GRM1: variants seen among roughly 807,000 people sequenced by gnomAD.
GRM1 encodes the protein glutamate metabotropic receptor 1.
In GRM1, 33 loss-of-function variants were observed where a neutral mutation model predicts 90.9. The ratio of observed to expected loss-of-function variants is 0.36; its 90% CI spans 0.28 to 0.49. GRM1 has a LOEUF of 0.49. Ranked by LOEUF, GRM1 falls within the 20% of genes least tolerant of loss-of-function variation. The pLI is 0.99. For missense variants in GRM1, 1,190 were observed against 1,534.3 expected (o/e 0.78, Z 3.75); for synonymous variants, 700 against 613.2 (o/e 1.14, Z -2.09).
chr6:146,261,038 G>A (rs915453012), intron 2 of GRM1, among the ~76,000 whole-genome samples: 12 of 151,888 alleles, frequency 7.9e-5, no homozygotes, highest in South Asian at 2.1e-4. Context: ...AACCTGGCTA[G>A]TCATTCATGC....
At chr6:146,204,163 G>A (rs73009053) in intron 2 of GRM1, among the ~76,000 whole-genome samples, 1,820 of 152,282 alleles carry the variant, frequency 0.012, 40 homozygotes, top group Admixed American at 0.053. Context: ...AGGTGGATTA[G>A]CAGGAACTTC....
chr6:146,254,262 G>A (rs1445144063), intron 2 of GRM1, among the ~76,000 whole-genome samples: 1 of 151,884 alleles, frequency 6.6e-6, no homozygotes, highest in Non-Finnish European at 1.5e-5. Context: ...TCCTCTTTAT[G>A]TGACCTGCTT....
chr6:146,404,014 A>G (rs1431327690), intron 7 of GRM1, among the ~76,000 whole-genome samples: 1 of 152,098 alleles, frequency 6.6e-6, no homozygotes, highest in Non-Finnish European at 1.5e-5. Flanking sequence ...AACTATAGTC[A>G]CTATACCCTA....
chr6:146,328,014 C>A (rs966606160), intron 3 of GRM1, among the ~76,000 whole-genome samples: 5 of 152,138 alleles, frequency 3.3e-5, no homozygotes, highest in Non-Finnish European at 7.4e-5. Context: ...TAGCTGCCTG[C>A]TCTGTTTTTT....
intron 1 of GRM1, among the ~76,000 whole-genome samples, chr6:146,112,937 A>G (rs1024753971): frequency 1.3e-5 from 2 of 152,198 alleles, no homozygotes; most frequent in African/African-American, 2.4e-5. Context: ...CACTTTGGAA[A>G]CAATCAATAG....
intron 2 of GRM1, among the ~76,000 whole-genome samples, chr6:146,302,758 A>T (rs1039568801): frequency 6.6e-6 from 1 of 151,966 alleles, no homozygotes; most frequent in African/African-American, 2.4e-5. Flanking sequence ...GGGGCAGAGG[A>T]TAGTGAGTCT....
At chr6:146,086,196 A>G (rs1776539403) in intron 1 of GRM1, among the ~76,000 whole-genome samples, 1 of 152,042 alleles carries the variant, frequency 6.6e-6, no homozygotes, top group South Asian at 2.1e-4. Context: ...TTAAAGTATC[A>G]TTTTCGTAAA....
chr6:146,167,749 A>T (rs1192952176), intron 2 of GRM1, among the ~76,000 whole-genome samples: 1 of 152,014 alleles, frequency 6.6e-6, no homozygotes, highest in Non-Finnish European at 1.5e-5. Context: ...TCTTCTCATT[A>T]TGGAGTCGTA....
At position 146,120,866 on chromosome 6, in the gene GRM1, G is replaced by A. The variant is rs570644290; in HGVS notation, c.701-38482G>A. Among the ~76,000 whole-genome samples, 11 of 152,212 alleles carry A rather than the reference G, an allele frequency of 7.2e-5. No homozygotes were observed. The South Asian group carries it at 1.2e-3, about 17-fold the overall frequency. On this transcript the variant is annotated intron_variant, in intron 1 of 7. Coordinates refer to ENST00000282753, the MANE Select transcript of GRM1 (RefSeq NM_001278064.2). ...GTATTTTATTGAGGATTTTTGCATC[G>A]ATGTTCATCAGAGATATTGGTCTAA...
rs374124292 is a variant in GRM1, at chr6:146,311,494, A to T, written c.1186+6648A>T. On this transcript the variant is annotated intron_variant, in intron 3 of 7. Coordinates refer to ENST00000282753, the MANE Select transcript of GRM1 (RefSeq NM_001278064.2). ...CACAGATGAAGCTCTGAGAGTAACT[A>T]TTCAATAGGCACAATATTGGCCTAC... 2.7e-4 allele frequency among the ~76,000 whole-genome samples: 41 copies of T among 152,306 alleles called. No individual in the cohort carries two copies. In the East Asian group the frequency reaches 7.1e-3, roughly 27 times the overall value.
intron 7 of GRM1, among the ~76,000 whole-genome samples, chr6:146,430,719 C>T (rs1778376842): frequency 6.6e-6 from 1 of 152,196 alleles, no homozygotes; most frequent in Non-Finnish European, 1.5e-5. Context: ...GTAGTGGGTT[C>T]CCTGCCTTCT....
intron 5 of GRM1, among the ~76,000 whole-genome samples, chr6:146,367,246 G>A (rs1464139469): frequency 2.6e-5 from 4 of 152,134 alleles, no homozygotes; most frequent in East Asian, 1.9e-4. Context: ...TCTCTCGTCT[G>A]TTCCACTGGC....
chr6:146,328,405 T>TAGTA (rs1268901664), intron 3 of GRM1, among the ~76,000 whole-genome samples: 41 of 152,312 alleles, frequency 2.7e-4, no homozygotes, highest in African/African-American at 6.3e-4. Context: ...GACTCTTATT[T>TAGTA]GATTTCTGGC....
chr6:146,354,063 C>A (rs1785500650), intron 4 of GRM1, among the ~76,000 whole-genome samples: 1 of 152,204 alleles, frequency 6.6e-6, no homozygotes, highest in Non-Finnish European at 1.5e-5. Context: ...TAAGTGGATT[C>A]TCCCTGTTAA....
At chr6:146,319,049 T>C (rs1272626186) in intron 3 of GRM1, among the ~76,000 whole-genome samples, 1 of 152,238 alleles carries the variant, frequency 6.6e-6, no homozygotes, top group East Asian at 1.9e-4. Context: ...TTTGGTATTT[T>C]ACTCACAACG....
chr6:146,434,687 G>T lies in GRM1; in HGVS notation c.3476G>T (p.Ser1159Ile). The T allele has an allele frequency of 6.2e-7, 1 of 1,605,554 alleles. No individual in the cohort carries two copies. ...SPFRDSVASG[S>I]SVPSSPVSES... ...TTCCGCGACTCGGTGGCCTCGGGCA[G>T]CTCGGTGCCCAGCTCCCCCGTGTCC... Residue 1159 changes from serine to isoleucine, a missense_variant, in exon 8 of 8, where the codon AGC becomes ATC. Coordinates refer to ENST00000282753, the MANE Select transcript of GRM1 (RefSeq NM_001278064.2).
At chr6:146,314,050 C>A (rs1313767656) in intron 3 of GRM1, among the ~76,000 whole-genome samples, 1 of 82,908 alleles carries the variant, frequency 1.2e-5, no homozygotes, top group African/African-American at 4.2e-5. Context: ...ATAGTTAATT[C>A]CTTTTTTTTT....
intron 1 of GRM1, among the ~76,000 whole-genome samples, chr6:146,058,573 G>T (rs1775560156): frequency 6.6e-6 from 1 of 152,018 alleles, no homozygotes; most frequent in Admixed American, 6.6e-5. Context: ...TGAATGTTGG[G>T]GTGGCTGTGG....
intron 1 of GRM1, among the ~76,000 whole-genome samples, chr6:146,150,144 C>G (rs891167980): frequency 2.6e-5 from 4 of 152,126 alleles, no homozygotes; most frequent in Non-Finnish European, 5.9e-5. Context: ...GGTTGTTTCT[C>G]TGCTGGGGAA....
Sources: allele counts gnomAD v4.1 joint callset (sites outside exome capture counted in the v4.1 genomes callset), GRCh38; gene constraint gnomAD v4.1.1; transcripts MANE v1.5; gene names NCBI Gene and HGNC (gene_info 2026-07-23, HGNC 2026-07-21).